Variants in FBLN1 observed in about 807,000 individuals in gnomAD.
FBLN1 encodes the protein fibulin-1.
FBLN1 carries 34 observed loss-of-function variants against 89.7 expected under a neutral mutation model. The observed-to-expected ratio is 0.38, with a 90% CI of 0.29 to 0.50. The LOEUF (loss-of-function observed/expected upper bound fraction) is 0.50, where lower values mean the gene tolerates loss of function less well. FBLN1 is among the 20% of genes least tolerant of loss of function. The probability of loss-of-function intolerance (pLI) is 0.92; values close to 1 mark genes in which losing one functional copy is unlikely to be tolerated. For missense variants in FBLN1, 777 were observed against 988.1 expected (o/e 0.79, Z 2.86); for synonymous variants, 393 against 391.3 (o/e 1.00, Z -0.05).
intron 14 of FBLN1, chr22:45,565,116 G>A (rs1325631520): frequency 1.3e-6 from 2 of 1,588,858 alleles, no homozygotes; most frequent in Non-Finnish European, 8.5e-7. Context: ...CCCTCTCTCT[G>A]ATCATGCCAG....
rs963133383 is a variant in FBLN1 at position 45,577,595 on chromosome 22, C to T, written c.1972+487C>T. ...GGAACTAGCTGGATTCGCCATGTGGCCTTGAGCAGTAGTCGTCCCCTCCCT... is the reference window on the plus strand; with the variant it reads ...GGAACTAGCTGGATTCGCCATGTGGTCTTGAGCAGTAGTCGTCCCCTCCCT... On this transcript the variant is annotated intron_variant, in intron 16 of 16. Transcript: ENST00000327858. The surrounding 1 kb of genome is among the most constrained non-coding windows in gnomAD (Gnocchi z 6.6). Among the ~76,000 whole-genome samples, 1 of 152,200 alleles carries T rather than the reference C, an allele frequency of 6.6e-6. No individual in the cohort carries two copies. Among genetic ancestry groups the T allele is most frequent in the Non-Finnish European group, 1.5e-5 (1 of 68,044 alleles).
chr22:45,526,556 T>G (rs136727), intron 3 of FBLN1, among the ~76,000 whole-genome samples: 133,913 of 152,030 alleles, frequency 0.88, 59,182 homozygotes, highest in Middle Eastern at 0.94. Context: ...TCCCGTTCCT[T>G]TTAGGAAGGT....
chr22:45,595,050 C>T (rs2089173093), intron 16 of FBLN1, among the ~76,000 whole-genome samples: 1 of 152,182 alleles, frequency 6.6e-6, no homozygotes, highest in East Asian at 1.9e-4. Flanking sequence ...TCCTCCCTAG[C>T]CACTGGCCTG....
rs193168301 is a variant in FBLN1 at position 45,556,341 on chromosome 22, C to T, written c.1697+5726C>T. 3.3e-5 allele frequency among the ~76,000 whole-genome samples: 5 copies of T among 152,280 alleles called. No homozygotes were observed. Among genetic ancestry groups the T allele is most frequent in the South Asian group, 2.1e-4 (1 of 4,818 alleles). Reference sequence around the variant, plus strand: ...AAATACTCACGACAATTACAGTCCTCGTTTCTGCAACTGGTCACATGGCTC... The same window carrying T: ...AAATACTCACGACAATTACAGTCCTTGTTTCTGCAACTGGTCACATGGCTC... On this transcript the variant is annotated intron_variant, in intron 14 of 16. Coordinates refer to ENST00000327858, the MANE Select transcript of FBLN1 (RefSeq NM_006486.3). The surrounding 1 kb of genome is among the most constrained non-coding windows in gnomAD (Gnocchi z 4.6).
rs1569251941 is a variant in FBLN1 at position 45,550,821 on chromosome 22, G to A, written c.1697+206G>A. The A allele has an allele frequency of 2.9e-6, 2 of 685,958 alleles. No individual in the cohort carries two copies. The highest frequency in any genetic ancestry group is 2.7e-5 in the East Asian group (1 of 36,402). The allele number at this position is 685,958 out of a possible 1,614,324, so 42.5% of individuals were successfully genotyped here. Reference sequence around the variant, plus strand: ...GAAAGTCAAGGGGGTAACTGCAAATGAGTCTGGGGTCTATAGTCATGTTTT... The same window carrying A: ...GAAAGTCAAGGGGGTAACTGCAAATAAGTCTGGGGTCTATAGTCATGTTTT... On this transcript the variant is annotated intron_variant, in intron 14 of 16. Coordinates refer to ENST00000327858, the MANE Select transcript of FBLN1 (RefSeq NM_006486.3). This position sits in a 1 kb window ranked among gnomAD's most constrained non-coding sequence, Gnocchi z 8.4.
At chr22:45,595,853 G>A in intron 16 of FBLN1, among the ~76,000 whole-genome samples, 1 of 152,120 alleles carries the variant, frequency 6.6e-6, no homozygotes, top group Non-Finnish European at 1.5e-5. Flanking sequence ...AAGGTTGCTG[G>A]GGTTTTTTTT....
rs985376178 is a variant in FBLN1, at chr22:45,549,620, G to A, written c.1574-872G>A. 3.9e-5 allele frequency among the ~76,000 whole-genome samples: 6 copies of A among 152,196 alleles called. No homozygotes were observed. Among genetic ancestry groups the A allele is most frequent in the African/African-American group, 7.2e-5 (3 of 41,436 alleles). On this transcript the variant is annotated intron_variant, in intron 13 of 16. Coordinates refer to ENST00000327858, the MANE Select transcript of FBLN1 (RefSeq NM_006486.3). The surrounding 1 kb of genome is among the most constrained non-coding windows in gnomAD (Gnocchi z 5.7). Reference sequence around the variant, plus strand: ...CTCCCTCACCACAGCCTGGGGTCCCGCCCAGACTCAGCATAAACACATTCC... The same window carrying A: ...CTCCCTCACCACAGCCTGGGGTCCCACCCAGACTCAGCATAAACACATTCC...
intron 14 of FBLN1, chr22:45,565,203 G>T: frequency 6.6e-7 from 1 of 1,513,906 alleles, no homozygotes; most frequent in South Asian, 1.1e-5. Context: ...TGAAGGACCA[G>T]TCTGGTTACG....
rs372903194 is a variant in FBLN1 at position 45,577,093 on chromosome 22, G to A, written c.1957G>A (p.Asp653Asn). The change falls in exon 16 of 17, where the codon GAC becomes AAC. Residue 653 changes from aspartate (D) to asparagine (N), a missense_variant. Physicochemically the swap from Asp to Asn is conservative, Grantham distance 23. Transcript: ENST00000327858. This position sits in a 1 kb window ranked among gnomAD's most constrained non-coding sequence, Gnocchi z 6.6. ...DSFDIIKRYM[D>N]GMTVGVVRQV... ...TTTTGACATCATCAAGCGTTACATG[G>A]ACGGCATGACCGTGGGTGAGTGGCT... 71 of 1,614,006 alleles carry A rather than the reference G, an allele frequency of 4.4e-5. No homozygotes were observed. Among genetic ancestry groups the A allele is most frequent in the Non-Finnish European group, 5.6e-5 (66 of 1,180,036 alleles).
Position 45,550,673 on chromosome 22 carries a change from A to C in FBLN1, c.1697+58A>C. 2 of 1,613,214 alleles carry C rather than the reference A, an allele frequency of 1.2e-6. No individual in the cohort carries two copies. Among genetic ancestry groups the C allele is most frequent in the Non-Finnish European group, 1.7e-6 (2 of 1,179,706 alleles). On this transcript the variant is annotated intron_variant, in intron 14 of 16. Coordinates refer to ENST00000327858, the MANE Select transcript of FBLN1 (RefSeq NM_006486.3). This position sits in a 1 kb window ranked among gnomAD's most constrained non-coding sequence, Gnocchi z 8.4. ...TCTGTGTTGGCCTTCCTGGTGACCC[A>C]GTTCCCGGGTGGGTGGGTTATCAGG...
chr22:45,533,637 C>A, intron 6 of FBLN1, 124 bp from the exon 7 acceptor site: 1 of 1,098,210 alleles, frequency 9.1e-7, no homozygotes, highest in Non-Finnish European at 1.4e-6. Flanking sequence ...CATGGTGGAC[C>A]TGAGCTCAGT....
At chr22:45,594,729 G>GAT (rs1254925305) in intron 16 of FBLN1, among the ~76,000 whole-genome samples, 1 of 130,054 alleles carries the variant, frequency 7.7e-6, no homozygotes, top group Admixed American at 8.4e-5. Context: ...TGGATGGATG[G>GAT]ATAGATGGAT....
chr22:45,527,210 G>A (rs1050599373), intron 3 of FBLN1, among the ~76,000 whole-genome samples: 4 of 152,208 alleles, frequency 2.6e-5, no homozygotes, highest in African/African-American at 9.7e-5. Context: ...GGCTTTTCGT[G>A]TGTCAGGGCA....
chr22:45,576,002 G>T lies in FBLN1; in HGVS notation c.1841-975G>T, dbSNP rs532199792. On this transcript the variant is annotated intron_variant, in intron 15 of 16. Coordinates refer to ENST00000327858, the MANE Select transcript of FBLN1 (RefSeq NM_006486.3). The surrounding 1 kb of genome is among the most constrained non-coding windows in gnomAD (Gnocchi z 5.2). ...GGAGGCATGCAACGGAGCCAGCCGC[G>T]AGGACACCAGTGTTTACACCATGAC... Among the ~76,000 whole-genome samples, 3 of 152,148 alleles carry T rather than the reference G, an allele frequency of 2.0e-5. No individual in the cohort carries two copies. The South Asian group carries it at 6.2e-4, about 32-fold the overall frequency.
At chr22:45,528,832 AC>A (rs1174745669) in intron 4 of FBLN1, among the ~76,000 whole-genome samples, 1 of 152,088 alleles carries the variant, frequency 6.6e-6, no homozygotes, top group Non-Finnish European at 1.5e-5. Context: ...CATGTTTGTG[AC>A]CTTATCTGAA....
At chr22:45,596,434 C>T (rs1295731229) in intron 16 of FBLN1, among the ~76,000 whole-genome samples, 1 of 152,102 alleles carries the variant, frequency 6.6e-6, no homozygotes, top group Non-Finnish European at 1.5e-5. Context: ...CAGTGCCAGG[C>T]ACACGTAGCA....
chr22:45,555,834 TCA>T (rs1303912737), intron 14 of FBLN1, among the ~76,000 whole-genome samples: 1 of 152,118 alleles, frequency 6.6e-6, no homozygotes, highest in Admixed American at 6.5e-5. Context: ...GACCAGAAAC[TCA>T]CCAATCCCCA....
chr22:45,553,901 G>T (rs983811134), intron 14 of FBLN1, among the ~76,000 whole-genome samples: 1 of 152,214 alleles, frequency 6.6e-6, no homozygotes, highest in Non-Finnish European at 1.5e-5. Flanking sequence ...TGAGAGAAGC[G>T]GGAAGCCGAA....
In FBLN1 at chr22:45,582,066, A is replaced by G. The variant is rs1444978516; in HGVS notation, c.1972+4958A>G. ...TGAGGTTGCGGTTGAGGTTGTACCC[A>G]CTCAGCAGGTAAGAAGACTGAGGCC... is the stretch of plus-strand genomic sequence containing the variant. On this transcript the variant is annotated intron_variant, in intron 16 of 16. Transcript: ENST00000327858. 3.9e-5 allele frequency among the ~76,000 whole-genome samples: 6 copies of G among 152,206 alleles called. No individual in the cohort carries two copies. In the South Asian group the frequency reaches 8.3e-4, roughly 21 times the overall value.
Sources: gnomAD v4.1 joint callset for allele counts (sites outside exome capture counted in the v4.1 genomes callset) on GRCh38, gnomAD v4.1.1 for gene constraint, Gnocchi (gnomAD v3.1) non-coding constraint, MANE v1.5 for transcripts, NCBI Gene and HGNC (gene_info 2026-07-23, HGNC 2026-07-21) for gene names.